CSMD1: variants seen among roughly 807,000 people sequenced by gnomAD.
CSMD1 encodes the protein CUB and Sushi multiple domains 1, also known as CUB and sushi domain-containing protein 1.
CSMD1 carries 213 observed loss-of-function variants against 417.5 expected under a neutral mutation model. That is an observed-to-expected ratio of 0.51 (90% CI 0.46 to 0.57). The LOEUF (loss-of-function observed/expected upper bound fraction) is 0.57. Ranked by LOEUF, CSMD1 falls within the 20% of genes least tolerant of loss-of-function variation. The probability of loss-of-function intolerance (pLI) is 0.00; values close to 1 mark genes in which losing one functional copy is unlikely to be tolerated. For missense variants in CSMD1, 6,923 were observed against 4,529.7 expected (o/e 1.53, Z -15.17); for synonymous variants, 2,862 against 1,736.8 (o/e 1.65, Z -16.11).
intron 42 of CSMD1, among the ~76,000 whole-genome samples, chr8:3,111,729 G>C (rs564542815): frequency 6.6e-6 from 1 of 152,092 alleles, no homozygotes; most frequent in Non-Finnish European, 1.5e-5. Context: ...GTACTTGGGG[G>C]GTTGAGGCAG....
At chr8:3,841,590 G>C (rs1051956100) in intron 5 of CSMD1, among the ~76,000 whole-genome samples, 1 of 151,760 alleles carries the variant, frequency 6.6e-6, no homozygotes, top group Non-Finnish European at 1.5e-5. Flanking sequence ...CCAAATATTA[G>C]CACTAGAAAG....
intron 2 of CSMD1, among the ~76,000 whole-genome samples, chr8:4,471,586 G>C (rs899168206): frequency 3.9e-5 from 6 of 151,944 alleles, no homozygotes; most frequent in African/African-American, 9.7e-5. Context: ...TTTAGAGAGA[G>C]GTGCAGGGAG....
intron 3 of CSMD1, among the ~76,000 whole-genome samples, chr8:4,172,521 C>G (rs139029674): frequency 2.0e-5 from 3 of 152,108 alleles, no homozygotes; most frequent in Non-Finnish European, 4.4e-5. Context: ...ACAATATTCT[C>G]TAACTATTTC....
intron 5 of CSMD1, among the ~76,000 whole-genome samples, chr8:3,975,516 A>G (rs971873390): frequency 2.6e-5 from 4 of 152,186 alleles, no homozygotes; most frequent in Non-Finnish European, 5.9e-5. Flanking sequence ...AACTTCATCC[A>G]CAGGTTGCTG....
At chr8:3,388,826 T>C (rs949577138) in intron 17 of CSMD1, among the ~76,000 whole-genome samples, 8 of 151,994 alleles carry the variant, frequency 5.3e-5, no homozygotes, top group African/African-American at 1.7e-4. Context: ...TGGATATCAT[T>C]TGGCTAGAAA....
chr8:4,301,335 GT>G (rs1381542048), intron 3 of CSMD1, among the ~76,000 whole-genome samples: 4 of 152,186 alleles, frequency 2.6e-5, no homozygotes, highest in Non-Finnish European at 5.9e-5. Context: ...ATACTCAACT[GT>G]TATGCTTTTG....
chr8:3,082,147 G>C (rs770830100), intron 49 of CSMD1, among the ~76,000 whole-genome samples: 3 of 152,122 alleles, frequency 2.0e-5, no homozygotes, highest in Non-Finnish European at 2.9e-5. Flanking sequence ...CTGTATTTCT[G>C]GAAGTCTTCA....
At chr8:4,392,269 T>C (rs1319188684) in intron 3 of CSMD1, among the ~76,000 whole-genome samples, 2 of 152,186 alleles carry the variant, frequency 1.3e-5, no homozygotes, top group African/African-American at 2.4e-5. Flanking sequence ...GTTATTTGCA[T>C]GTAGCTGATA....
chr8:3,056,327 G>C (rs1203604687), intron 49 of CSMD1, among the ~76,000 whole-genome samples: 2 of 152,122 alleles, frequency 1.3e-5, no homozygotes, highest in Non-Finnish European at 2.9e-5. Flanking sequence ...CCTTCAAATA[G>C]TGGTTAACTT....
chr8:4,316,762 A>G (rs1437758013), intron 3 of CSMD1, among the ~76,000 whole-genome samples: 2 of 152,126 alleles, frequency 1.3e-5, no homozygotes, highest in African/African-American at 4.8e-5. Flanking sequence ...GAACGCCCCC[A>G]AAACCCTTTT....
At chr8:3,958,147 A>T (rs1031625601) in intron 5 of CSMD1, among the ~76,000 whole-genome samples, 1 of 152,200 alleles carries the variant, frequency 6.6e-6, no homozygotes, top group African/African-American at 2.4e-5. Context: ...CTTAATGAGC[A>T]TTCTGTCCTT....
chr8:4,581,809 G>A (rs549103542), intron 2 of CSMD1, among the ~76,000 whole-genome samples: 18 of 152,268 alleles, frequency 1.2e-4, no homozygotes, highest in Admixed American at 1.2e-3. Flanking sequence ...CTGAGCAAAT[G>A]AGTCAGGAAG....
chr8:4,193,538 G>C (rs555070058), intron 3 of CSMD1, among the ~76,000 whole-genome samples: 47 of 152,218 alleles, frequency 3.1e-4, no homozygotes, highest in Non-Finnish European at 1.5e-4. Context: ...TGGCTGAAGA[G>C]GTCTGAGTCA....
chr8:3,751,367 T>A lies in CSMD1; in HGVS notation c.931+2563A>T, dbSNP rs554700077. Reference sequence around the variant, plus strand: ...ACACGAACACACATCTACATCTATATATAAATTATTTATATATTTCTTATA... The same window carrying A: ...ACACGAACACACATCTACATCTATAAATAAATTATTTATATATTTCTTATA... On this transcript the variant is annotated intron_variant, in intron 6 of 69. Coordinates refer to ENST00000635120, the MANE Select transcript of CSMD1 (RefSeq NM_033225.6). Among the ~76,000 whole-genome samples the A allele has an allele frequency of 9.6e-4, 142 of 148,134 alleles. 3 individuals carry two copies. In the South Asian group the frequency reaches 0.029, roughly 31 times the overall value.
intron 20 of CSMD1, among the ~76,000 whole-genome samples, chr8:3,362,308 C>G (rs991462106): frequency 6.6e-6 from 1 of 152,202 alleles, no homozygotes; most frequent in Non-Finnish European, 1.5e-5. Context: ...GTCTTCCTCT[C>G]ATCTATTCAG....
At chr8:4,979,443 A>G (rs913587277) in intron 1 of CSMD1, among the ~76,000 whole-genome samples, 2 of 151,878 alleles carry the variant, frequency 1.3e-5, no homozygotes, top group Non-Finnish European at 2.9e-5. Context: ...ACTTAGCCGT[A>G]TAGCAGATGC....
chr8:3,820,099 G>A (rs891773969), intron 5 of CSMD1, among the ~76,000 whole-genome samples: 4 of 152,124 alleles, frequency 2.6e-5, no homozygotes, highest in African/African-American at 9.7e-5. Context: ...TTTCTTCAGG[G>A]ACAGATGCAC....
chr8:3,928,654 T>G (rs1809921934), intron 5 of CSMD1, among the ~76,000 whole-genome samples: 1 of 146,906 alleles, frequency 6.8e-6, no homozygotes, highest in Non-Finnish European at 1.5e-5. Flanking sequence ...ACAATAAAAA[T>G]GGTTTAAAGA....
chr8:3,347,934 C>G (rs919381554), intron 22 of CSMD1, 58 bp downstream of exon 22: 6 of 1,203,234 alleles, frequency 5.0e-6, no homozygotes, highest in Admixed American at 5.8e-5. Flanking sequence ...AATAGATAGA[C>G]AATGTATTTT....
Sources: gnomAD v4.1 joint callset for allele counts (sites outside exome capture counted in the v4.1 genomes callset) on GRCh38, gnomAD v4.1.1 for gene constraint, MANE v1.5 for transcripts, NCBI Gene and HGNC (gene_info 2026-07-23, HGNC 2026-07-21) for gene names.